The following USP32 variants were observed in gnomAD, a reference collection of about 807,000 sequenced individuals.
The protein encoded by USP32 is ubiquitin carboxyl-terminal hydrolase 32.
A neutral mutation model predicts 204.8 loss-of-function variants in USP32; 59 were observed. The ratio of observed to expected loss-of-function variants is 0.29; its 90% CI spans 0.23 to 0.36. The LOEUF (loss-of-function observed/expected upper bound fraction) is 0.36. Among genes scored for constraint, USP32 ranks in the 10% least tolerant of loss-of-function variants. The probability of loss-of-function intolerance (pLI) is 1.00; values close to 1 mark genes in which losing one functional copy is unlikely to be tolerated. For missense variants in USP32, 1,160 were observed against 1,946.4 expected (o/e 0.60, Z 7.60); for synonymous variants, 517 against 678.4 (o/e 0.76, Z 3.70).
intron 9 of USP32, chr17:60,257,928 T>C (rs1480798607): frequency 6.6e-6 from 1 of 152,530 alleles, no homozygotes; most frequent in Non-Finnish European, 1.5e-5. Context: ...CTCTATCCTG[T>C]AAGCCCAAGA....
chr17:60,301,508 G>T, intron 3 of USP32, 91 bp downstream of exon 3: 1 of 735,066 alleles, frequency 1.4e-6, no homozygotes, highest in Non-Finnish European at 2.1e-6. Flanking sequence ...TTGGGAAAAT[G>T]TCAATTCAAA....
rs141897832 is a variant in USP32 at position 60,373,532 on chromosome 17, C to T, written c.58+18350G>A. ...GATCTTGGCTCACTGCAACCTGCAC[C>T]TCCTGGGTTCAAGCAATTCTCGTGC... is the stretch of plus-strand genomic sequence containing the variant. On this transcript the variant is annotated intron_variant, in intron 1 of 33. Transcript: ENST00000300896. 8.5e-3 allele frequency among the ~76,000 whole-genome samples: 1,212 copies of T among 142,338 alleles called. 11 individuals carry two copies. Among genetic ancestry groups the T allele is most frequent in the Middle Eastern group, 0.042 (12 of 286 alleles). The allele number at this position is 142,338 out of a possible 152,430, so 93.4% of individuals were successfully genotyped here.
chr17:60,199,521 C>A (rs2084619849), intron 26 of USP32, among the ~76,000 whole-genome samples: 1 of 152,106 alleles, frequency 6.6e-6, no homozygotes, highest in Non-Finnish European at 1.5e-5. Context: ...AACCTTTGAA[C>A]ATTTAATTCC....
intron 15 of USP32, among the ~76,000 whole-genome samples, chr17:60,221,921 T>C (rs2085262867): frequency 6.6e-6 from 1 of 152,218 alleles, no homozygotes; most frequent in South Asian, 2.1e-4. Context: ...TGGTGCTATA[T>C]ACTAATATTT....
intron 2 of USP32, among the ~76,000 whole-genome samples, chr17:60,327,268 C>A (rs2088264854): frequency 6.6e-6 from 1 of 152,182 alleles, no homozygotes. Flanking sequence ...CTGGAGTGGC[C>A]GCTGACGTCA....
At chr17:60,353,215 G>A (rs1377208606) in intron 1 of USP32, among the ~76,000 whole-genome samples, 1 of 152,144 alleles carries the variant, frequency 6.6e-6, no homozygotes, top group African/African-American at 2.4e-5. Context: ...CGCAACATAG[G>A]CACAGAGGAA....
chr17:60,247,358 T>C (rs1472631557), intron 11 of USP32, among the ~76,000 whole-genome samples: 3 of 151,902 alleles, frequency 2.0e-5, no homozygotes, highest in Non-Finnish European at 2.9e-5. Context: ...TTTTGTACTT[T>C]GAGTAGAGAT....
At chr17:60,231,806 C>G (rs1008458964) in intron 12 of USP32, among the ~76,000 whole-genome samples, 1 of 152,178 alleles carries the variant, frequency 6.6e-6, no homozygotes, top group Non-Finnish European at 1.5e-5. Context: ...CCATTCTTCC[C>G]CATTTACATT....
At chr17:60,257,533 AG>A (rs1477153385) in intron 9 of USP32, among the ~76,000 whole-genome samples, 1 of 152,200 alleles carries the variant, frequency 6.6e-6, no homozygotes, top group African/African-American at 2.4e-5. Context: ...TCTATCACCC[AG>A]GCTGGAGTGC....
chr17:60,282,756 G>A (rs1201624768), intron 5 of USP32, among the ~76,000 whole-genome samples: 1 of 152,198 alleles, frequency 6.6e-6, no homozygotes, highest in South Asian at 2.1e-4. Flanking sequence ...TATGGCTTTA[G>A]CCTTACAGTC....
chr17:60,185,134 C>T (rs1332105475), intron 30 of USP32, among the ~76,000 whole-genome samples: 1 of 152,204 alleles, frequency 6.6e-6, no homozygotes, highest in Non-Finnish European at 1.5e-5. Flanking sequence ...AGCTTCCTCT[C>T]TCCACAGAGC....
chr17:60,214,888 G>A, intron 16 of USP32, 114 bp from the exon 17 acceptor site: 12 of 1,505,164 alleles, frequency 8.0e-6, no homozygotes, highest in African/African-American at 1.4e-5. Flanking sequence ...GAGAATTACA[G>A]GTGTAATAAT....
At chr17:60,202,938 G>A (rs2084716562) in intron 26 of USP32, among the ~76,000 whole-genome samples, 1 of 150,114 alleles carries the variant, frequency 6.7e-6, no homozygotes, top group Admixed American at 6.6e-5. Context: ...CAGAGAGAAG[G>A]AGAAGGCTAT....
intron 1 of USP32, among the ~76,000 whole-genome samples, chr17:60,389,213 T>C (rs890482661): frequency 9.2e-5 from 14 of 152,172 alleles, no homozygotes; most frequent in African/African-American, 2.9e-4. Flanking sequence ...ATTATTCAAG[T>C]GCCCAAAAGA....
intron 2 of USP32, among the ~76,000 whole-genome samples, chr17:60,325,494 T>A (rs2088211422): frequency 6.6e-6 from 1 of 152,178 alleles, no homozygotes. Flanking sequence ...TACATAGTCA[T>A]AATATTGTAA....
At chr17:60,383,594 G>C (rs2089682609) in intron 1 of USP32, among the ~76,000 whole-genome samples, 1 of 152,204 alleles carries the variant, frequency 6.6e-6, no homozygotes, top group Non-Finnish European at 1.5e-5. Context: ...CTTCATATGA[G>C]GTGATAAAGG....
chr17:60,204,227 T>C (rs932151445), intron 26 of USP32, among the ~76,000 whole-genome samples: 1 of 152,162 alleles, frequency 6.6e-6, no homozygotes, highest in Non-Finnish European at 1.5e-5. Flanking sequence ...AAAAAACTTT[T>C]CCGAAGCCAT....
chr17:60,372,668 C>T (rs1198774352), intron 1 of USP32, among the ~76,000 whole-genome samples: 2 of 150,248 alleles, frequency 1.3e-5, no homozygotes, highest in Non-Finnish European at 3.0e-5. Context: ...AGTAAGACCC[C>T]GTTCTCTACA....
At chr17:60,367,118 C>T (rs980344615) in intron 1 of USP32, among the ~76,000 whole-genome samples, 3 of 152,176 alleles carry the variant, frequency 2.0e-5, no homozygotes, top group East Asian at 1.9e-4. Context: ...TGAGCCACCG[C>T]GCCTAGCCTA....
Sources: allele counts gnomAD v4.1 joint callset (sites outside exome capture counted in the v4.1 genomes callset), GRCh38; gene constraint gnomAD v4.1.1; transcripts MANE v1.5; gene names NCBI Gene and HGNC (gene_info 2026-07-23, HGNC 2026-07-21).